Variants in HLA-B observed in about 807,000 individuals in gnomAD.
HLA-B encodes the protein major histocompatibility complex, class I, B, also known as HLA class I antigen HLA-B.
In HLA-B, 31 loss-of-function variants were observed where a neutral mutation model predicts 41.5. That is an observed-to-expected ratio of 0.75 (90% confidence interval 0.56 to 1.01). The LOEUF is 1.01. Ranked by LOEUF, HLA-B falls within the 50% of genes least tolerant of loss-of-function variation. The pLI, the probability that HLA-B is intolerant of heterozygous loss-of-function variation, is 0.00. For synonymous variants in HLA-B, 138 were observed against 189.0 expected (o/e 0.73, Z 2.21); for missense variants, 369 against 457.2 (o/e 0.81, Z 1.76).
Position 31,356,245 on chromosome 6 carries a change from T to TGTC in HLA-B, c.540_541insGAC (p.Arg180_Arg181insAsp). ...ACGCACTCGCCCTCCAGGTAGGCTCTCCGCTGCTCCGCCTCACGGGCCGCC... is the reference window on the plus strand; with the variant it reads ...ACGCACTCGCCCTCCAGGTAGGCTCTGTCCCGCTGCTCCGCCTCACGGGCCGCC... On this transcript the variant is annotated inframe_insertion, in exon 3 of 8. Coordinates refer to ENST00000412585, the MANE Select transcript of HLA-B (RefSeq NM_005514.8). 7.9e-7 allele frequency: 1 copy of TGTC among 1,271,518 alleles called. No individual in the cohort carries two copies. Among genetic ancestry groups the TGTC allele is most frequent in the Non-Finnish European group, 1.0e-6 (1 of 964,938 alleles). 78.8% of individuals were successfully genotyped at this position (1,271,518 alleles called of 1,614,324 possible).
At position 31,354,634 on chromosome 6, in the gene HLA-B, C is replaced by A. The variant is rs750871285; in HGVS notation, c.1044G>T (p.Ala348=). 2.1e-6 allele frequency: 3 copies of A among 1,410,958 alleles called. No individual in the cohort carries two copies. The highest frequency in any genetic ancestry group is 2.0e-5 in the African/African-American group (1 of 48,910). 87.4% of individuals were successfully genotyped at this position (1,410,958 alleles called of 1,614,324 possible). A position where few individuals can be genotyped will look rare whatever the true frequency, so the allele number is the denominator to read the frequency against. The change falls in exon 6 of 8, where the codon GCG becomes GCT. Residue 348 remains alanine (A), a splice_region_variant and synonymous_variant. Coordinates refer to ENST00000412585, the MANE Select transcript of HLA-B (RefSeq NM_005514.8). ...GGKGGSYSQA[A]CSDSAQGSDV... Reference sequence around the variant, plus strand: ...CACACTCCCACCCCCACCACTTACACGCAGCCTGAGAGTAGCTCCCTCCTT... The same window carrying A: ...CACACTCCCACCCCCACCACTTACAAGCAGCCTGAGAGTAGCTCCCTCCTT...
intron 5 of HLA-B, 102 bp downstream of exon 5, chr6:31,355,005 C>G (rs2596496): frequency 0.27 from 72,902 of 268,630 alleles, 24,215 homozygotes; most frequent in South Asian, 0.44. Flanking sequence ...CCCCTGTGTG[C>G]ATGCTGCTTC....
intron 7 of HLA-B, 58 bp downstream of exon 7, chr6:31,354,421 C>CAAA: frequency 2.8e-6 from 1 of 360,096 alleles, no homozygotes; most frequent in Non-Finnish European, 4.9e-6. Flanking sequence ...CCTTTCCCCT[C>CAAA]TGCCCCACCC....
rs1191548996 is a variant in HLA-B, at chr6:31,354,238, C to G, written c.*63G>C. 2 of 647,448 alleles carry G rather than the reference C, an allele frequency of 3.1e-6. No individual in the cohort carries two copies. The highest frequency in any genetic ancestry group is 5.8e-6 in the Non-Finnish European group (2 of 343,258). 40.1% of individuals were successfully genotyped at this position (647,448 alleles called of 1,614,324 possible). ...GAGATGCCAGAGGCTCTTGAAGTCACAAAGGGGAGGCGTGAAGAAATCCTG... is the reference window on the plus strand; with the variant it reads ...GAGATGCCAGAGGCTCTTGAAGTCAGAAAGGGGAGGCGTGAAGAAATCCTG... On this transcript the variant is annotated 3_prime_UTR_variant, in exon 8 of 8. Transcript: ENST00000412585.
At chr6:31,355,807 C>T in intron 3 of HLA-B, 1 of 673,994 alleles carries the variant, frequency 1.5e-6, no homozygotes. Context: ...TGCTCCTGAT[C>T]TGAGTGGAGG....
At position 31,356,214 on chromosome 6, in the gene HLA-B, C is replaced by CA; in HGVS notation, c.571dup (p.Trp191LeufsTer17). 8.7e-7 allele frequency: 1 copy of CA among 1,143,290 alleles called. No individual in the cohort carries two copies. Among genetic ancestry groups the CA allele is most frequent in the South Asian group, 1.3e-5 (1 of 74,948 alleles). The allele number at this position is 1,143,290 out of a possible 1,614,324, so 70.8% of individuals were successfully genotyped here. A position where few individuals can be genotyped will look rare whatever the true frequency, so the allele number is the denominator to read the frequency against. On this transcript the variant is annotated frameshift_variant, in exon 3 of 8. Coordinates refer to ENST00000412585, the MANE Select transcript of HLA-B (RefSeq NM_005514.8). LOFTEE classifies it high-confidence loss of function. ...CCCGTTCTCCAGGTATCTGCGGAGC[C>CA]ACTCCACGCACTCGCCCTCCAGGTA...
intron 3 of HLA-B, chr6:31,355,932 G>A (rs1295463375): frequency 1.1e-5 from 6 of 538,556 alleles, no homozygotes; most frequent in East Asian, 4.1e-5. Context: ...GGTCAAAGGG[G>A]ACCCCTGATC....
Position 31,355,195 on chromosome 6 carries a change from G to A in HLA-B, c.924C>T (p.Ile308=), listed in dbSNP as rs61744514. 8.3e-6 allele frequency: 10 copies of A among 1,206,978 alleles called. No homozygotes were observed. In the African/African-American group the frequency reaches 1.2e-4, roughly 14 times the overall value. The allele number at this position is 1,206,978 out of a possible 1,614,324, so 74.8% of individuals were successfully genotyped here. ...CAGCCAGGCCAGCAACAATGCCCAC[G>A]ATGGGGACGGTGGACTGGGAAGACG... is the stretch of plus-strand genomic sequence containing the variant. ...WEPSSQSTVP[I]VGIVAGLAVL... The change falls in exon 5 of 8, where the codon ATC becomes ATT. Residue 308 remains isoleucine (I), a synonymous_variant. Coordinates refer to ENST00000412585, the MANE Select transcript of HLA-B (RefSeq NM_005514.8).
chr6:31,354,516 A>T lies in HLA-B; in HGVS notation c.1056T>A (p.Ser352Arg). ...TGAGAGACACATCAGAGCCCTGGGCACTGTCGCTGCCTGGAGTAGAACAAA... is the reference window on the plus strand; with the variant it reads ...TGAGAGACACATCAGAGCCCTGGGCTCTGTCGCTGCCTGGAGTAGAACAAA... ...GSYSQAACSD[S>R]AQGSDVSLTA Residue 352 changes from serine (S) to arginine (R), a missense_variant, in exon 7 of 8, where the codon AGT becomes AGA. This residue lies in a region of HLA-B where 115 missense variants were observed against 78.7 expected (regional missense o/e 1.46). Coordinates refer to ENST00000412585, the MANE Select transcript of HLA-B (RefSeq NM_005514.8). The T allele has an allele frequency of 7.7e-7, 1 of 1,295,702 alleles. No homozygotes were observed. The allele number at this position is 1,295,702 out of a possible 1,614,324, so 80.3% of individuals were successfully genotyped here.
rs1294780926 is a variant in HLA-B at position 31,355,087 on chromosome 6, AC to A, written c.1012+19del. On this transcript the variant is annotated intron_variant, in intron 5 of 7. Transcript: ENST00000412585. The stretch of plus-strand genomic sequence containing the variant: ...AGTGGGACAAGAAAACCCAGACCCC[AC>A]CCCTCACCCCTTCCCTACCTGAACT... The A allele has an allele frequency of 1.3e-6, 1 of 794,736 alleles. No homozygotes were observed. Among genetic ancestry groups the A allele is most frequent in the Non-Finnish European group, 1.8e-6 (1 of 568,980 alleles). The allele number at this position is 794,736 out of a possible 1,614,324, so 49.2% of individuals were successfully genotyped here. A position where few individuals can be genotyped will look rare whatever the true frequency, so the allele number is the denominator to read the frequency against.
rs1180788700 is a variant in HLA-B, at chr6:31,354,639, C to G, written c.1039G>C (p.Ala347Pro). 1.2e-5 allele frequency: 17 copies of G among 1,409,572 alleles called. 4 individuals are homozygous for G. In the East Asian group the frequency reaches 5.5e-4, roughly 45 times the overall value. The allele number at this position is 1,409,572 out of a possible 1,614,324, so 87.3% of individuals were successfully genotyped here. Residue 347 changes from alanine (A) to proline (P), a missense_variant, in exon 6 of 8, where the codon GCT (alanine) becomes CCT (proline). Coordinates refer to ENST00000412585, the MANE Select transcript of HLA-B (RefSeq NM_005514.8). ...SGGKGGSYSQ[A>P]ACSDSAQGSD... The stretch of plus-strand genomic sequence containing the variant: ...TCCCACCCCCACCACTTACACGCAG[C>G]CTGAGAGTAGCTCCCTCCTTTTCCA...
At chr6:31,355,853 A>C in intron 3 of HLA-B, 1 of 643,022 alleles carries the variant, frequency 1.6e-6, no homozygotes, top group Non-Finnish European at 2.8e-6. Context: ...CAGAGCCCCA[A>C]ACACACTGAG....
chr6:31,355,845 G>C (rs1399969966), intron 3 of HLA-B: 1 of 645,466 alleles, frequency 1.5e-6, no homozygotes, highest in African/African-American at 2.0e-5. Flanking sequence ...GCTGGAATCA[G>C]AGCCCCAAAC....
At chr6:31,355,056 A>AC in intron 5 of HLA-B, 51 bp downstream of exon 5, 1 of 645,554 alleles carries the variant, frequency 1.5e-6, no homozygotes, top group South Asian at 2.5e-5. Context: ...GGGGCTTGAA[A>AC]CCCCCAGTGG....
chr6:31,354,438 A>T (rs151341413), intron 7 of HLA-B, 41 bp downstream of exon 7: 2 of 140,348 alleles, frequency 1.4e-5, no homozygotes, highest in East Asian at 1.9e-4. Context: ...ACCCACCCCC[A>T]GACCCGCCAC....
intron 7 of HLA-B, 33 bp downstream of exon 7, chr6:31,354,446 C>CCCCCCCCT: frequency 1.9e-6 from 1 of 525,638 alleles, no homozygotes; most frequent in South Asian, 2.9e-5. Flanking sequence ...CCAGACCCGC[C>CCCCCCCCT]ACCCCACCCA....
intron 3 of HLA-B, chr6:31,355,908 A>G: frequency 1.8e-6 from 1 of 552,466 alleles, no homozygotes; most frequent in South Asian, 1.8e-5. Flanking sequence ...CACGGTTCCC[A>G]AGGCTGCTGC....
At chr6:31,356,548 TG>T in intron 2 of HLA-B, 106 bp from the exon 3 acceptor site, 1 of 1,106,388 alleles carries the variant, frequency 9.0e-7, no homozygotes. Context: ...TAAACGCGCC[TG>T]GGGCTCTCGC....
chr6:31,357,034 G>A lies in HLA-B; in HGVS notation c.73+52C>T, dbSNP rs778385708. The A allele has an allele frequency of 3.3e-6, 3 of 916,100 alleles. 1 individual carries two copies. The highest frequency in any genetic ancestry group is 6.2e-5 in the African/African-American group (2 of 32,500). 56.7% of individuals were successfully genotyped at this position (916,100 alleles called of 1,614,324 possible). A position where few individuals can be genotyped will look rare whatever the true frequency, so the allele number is the denominator to read the frequency against. ...CCTCAGGTCCTGCGCCCCCGCCTGC[G>A]GTCCCCTCGCTCCTCCCGGCAGAGG... On this transcript the variant is annotated intron_variant, in intron 1 of 7. Coordinates refer to ENST00000412585, the MANE Select transcript of HLA-B (RefSeq NM_005514.8).
Sources: allele counts gnomAD v4.1 joint callset, GRCh38; gene constraint gnomAD v4.1.1; regional missense constraint gnomAD v4.1.1; transcripts MANE v1.5; gene names NCBI Gene and HGNC (gene_info 2026-07-23, HGNC 2026-07-21).